ZNF254: variants seen among roughly 807,000 people sequenced by gnomAD.
The protein encoded by ZNF254 is CTD-2017D11.1.
In ZNF254, 10 loss-of-function variants were observed where a neutral mutation model predicts 12.4. The observed-to-expected ratio is 0.80, with a 90% CI of 0.50 to 1.36. The LOEUF (loss-of-function observed/expected upper bound fraction) is 1.36, where lower values mean the gene tolerates loss of function less well. ZNF254 is among the 40% of genes most tolerant of loss of function. The pLI, the probability that ZNF254 is intolerant of heterozygous loss-of-function variation, is 0.00. For missense variants in ZNF254, 996 were observed against 763.9 expected (o/e 1.30, Z -3.58); for synonymous variants, 305 against 253.4 (o/e 1.20, Z -1.93).
Position 24,126,882 on chromosome 19 carries a change from C to A in ZNF254, c.882C>A (p.Tyr294Ter). ...HKIIHTGEKP[Y>*]KCEECGKAFI... ...TAATTCATACTGGAGAGAAACCTTA[C>A]AAGTGTGAAGAATGTGGCAAAGCAT... The change falls in exon 4 of 4, where the codon TAC becomes TAA. Residue 294 changes from tyrosine to a stop codon, truncating the protein, a stop_gained. Coordinates refer to ENST00000357002, the MANE Select transcript of ZNF254 (RefSeq NM_203282.4). LOFTEE classifies it low-confidence loss of function (END_TRUNC). The A allele has an allele frequency of 6.2e-7, 1 of 1,613,592 alleles. No homozygotes were observed. The highest frequency in any genetic ancestry group is 8.5e-7 in the Non-Finnish European group (1 of 1,179,758).
At chr19:24,112,343 G>GT (rs1478699347) in intron 3 of ZNF254, among the ~76,000 whole-genome samples, 3 of 141,412 alleles carry the variant, frequency 2.1e-5, no homozygotes, top group Non-Finnish European at 4.7e-5. Flanking sequence ...TGCTGTTTTG[G>GT]TTACTGTAGC....
chr19:24,047,422 T>G (rs752355755), intron 2 of ZNF254, among the ~76,000 whole-genome samples: 2 of 151,786 alleles, frequency 1.3e-5, no homozygotes, highest in African/African-American at 4.8e-5. Flanking sequence ...CATGCCATCA[T>G]GCCTGGCTAA....
rs1974864707 is a variant in ZNF254 at position 24,126,603 on chromosome 19, A to G, written c.603A>G (p.Lys201=). 1 of 1,604,434 alleles carries G rather than the reference A, an allele frequency of 6.2e-7. No individual in the cohort carries two copies. Among genetic ancestry groups the G allele is most frequent in the Admixed American group, 1.7e-5 (1 of 57,456 alleles). Residue 201 remains lysine, a synonymous_variant, in exon 4 of 4, where the codon AAA becomes AAG. Coordinates refer to ENST00000357002, the MANE Select transcript of ZNF254 (RefSeq NM_203282.4). ...TGCTTTCACATAAAACCCAACACAAAAGCATTTATCATAGAGAGAAGTCCT... is the reference window on the plus strand; with the variant it reads ...TGCTTTCACATAAAACCCAACACAAGAGCATTTATCATAGAGAGAAGTCCT... The part of the protein sequence containing the change: ...FCMLSHKTQH[K]SIYHREKSYK...
chr19:24,089,482 T>G (rs1282390490), intron 1 of ZNF254, among the ~76,000 whole-genome samples: 6 of 152,180 alleles, frequency 3.9e-5, no homozygotes, highest in Admixed American at 3.9e-4. Flanking sequence ...TTGGAAACTA[T>G]AGTGTGATGT....
At chr19:24,126,231 A>C (rs750631552) in intron 3 of ZNF254, 23 bp from the exon 4 acceptor site, 3 of 1,385,612 alleles carry the variant, frequency 2.2e-6, no homozygotes, top group Non-Finnish European at 2.8e-6. Context: ...GGAGTAATTT[A>C]TTTATTTTTA....
intron 2 of ZNF254, among the ~76,000 whole-genome samples, chr19:24,058,171 A>G (rs1970932270): frequency 6.6e-6 from 1 of 152,096 alleles, no homozygotes; most frequent in African/African-American, 2.4e-5. Context: ...CAGGATTGTT[A>G]ATCTCATTTG....
intron 1 of ZNF254, among the ~76,000 whole-genome samples, chr19:24,043,473 G>C (rs1970255878): frequency 1.3e-5 from 2 of 152,026 alleles, no homozygotes; most frequent in South Asian, 4.2e-4. Context: ...TATTGGTCAG[G>C]CTGGTCTCAA....
At chr19:24,114,151 T>G (rs1973885507) in intron 3 of ZNF254, among the ~76,000 whole-genome samples, 1 of 152,082 alleles carries the variant, frequency 6.6e-6, no homozygotes, top group Admixed American at 6.6e-5. Context: ...TACCAATGAT[T>G]TTCTTCAGAG....
Position 24,087,200 on chromosome 19 carries a change from G to A in ZNF254, c.-108G>A, listed in dbSNP as rs1014422289. 4 of 1,471,050 alleles carry A rather than the reference G, an allele frequency of 2.7e-6. No individual in the cohort carries two copies. Among genetic ancestry groups the A allele is most frequent in the Non-Finnish European group, 3.8e-6 (4 of 1,062,854 alleles). The allele number at this position is 1,471,050 out of a possible 1,614,324, so 91.1% of individuals were successfully genotyped here. A position where few individuals can be genotyped will look rare whatever the true frequency, so the allele number is the denominator to read the frequency against. On this transcript the variant is annotated 5_prime_UTR_variant, in exon 1 of 4. Transcript: ENST00000357002. Reference sequence around the variant, plus strand: ...GGATATGGCGGGGCCTTTGTCTCTCGCTGTCGCCGGAGTCCCAGGTCTGTC... The same window carrying A: ...GGATATGGCGGGGCCTTTGTCTCTCACTGTCGCCGGAGTCCCAGGTCTGTC...
chr19:24,090,754 T>A (rs1972323139), intron 1 of ZNF254, among the ~76,000 whole-genome samples: 1 of 152,156 alleles, frequency 6.6e-6, no homozygotes, highest in South Asian at 2.1e-4. Context: ...GTTTTTTAAC[T>A]GTGTATTGCA....
chr19:24,118,062 T>C (rs1041716333), intron 3 of ZNF254, among the ~76,000 whole-genome samples: 3 of 151,690 alleles, frequency 2.0e-5, no homozygotes, highest in East Asian at 1.9e-4. Context: ...CTTTTCTTTT[T>C]TTTTTTTTGA....
chr19:24,110,989 A>G (rs2145850402), intron 3 of ZNF254, among the ~76,000 whole-genome samples: 1 of 152,120 alleles, frequency 6.6e-6, no homozygotes, highest in East Asian at 1.9e-4. Flanking sequence ...TTTAGGGTAC[A>G]TGTGCACAAT....
chr19:24,118,789 G>A (rs970115599), intron 3 of ZNF254, among the ~76,000 whole-genome samples: 3 of 152,058 alleles, frequency 2.0e-5, no homozygotes, highest in Middle Eastern at 6.8e-3. Context: ...TTATTGTCAT[G>A]TGTTTCCCCT....
At chr19:24,070,423 G>A (rs559382903) in intron 2 of ZNF254, among the ~76,000 whole-genome samples, 142 of 152,302 alleles carry the variant, frequency 9.3e-4, no homozygotes, top group African/African-American at 3.3e-3. Flanking sequence ...GAGGCAGTGG[G>A]AAGTTGCAAA....
chr19:24,087,293 A>C lies in ZNF254; in HGVS notation c.-15A>C. On this transcript the variant is annotated 5_prime_UTR_variant, in exon 1 of 4. Transcript: ENST00000357002. ...TGGCGCTGTTACCAGCAGGTATTGGAGATCCACAGCTAAGATGCCAGGACC... is the reference window on the plus strand; with the variant it reads ...TGGCGCTGTTACCAGCAGGTATTGGCGATCCACAGCTAAGATGCCAGGACC... 3.7e-6 allele frequency: 6 copies of C among 1,613,228 alleles called. No individual in the cohort carries two copies. The highest frequency in any genetic ancestry group is 1.3e-5 in the African/African-American group (1 of 74,998).
At chr19:24,095,603 T>G (rs1294696137) in intron 1 of ZNF254, among the ~76,000 whole-genome samples, 1 of 152,172 alleles carries the variant, frequency 6.6e-6, no homozygotes, top group Non-Finnish European at 1.5e-5. Flanking sequence ...TTCTTTTTTG[T>G]TAATTCTTGG....
Position 24,126,881 on chromosome 19 carries a change from A to T in ZNF254, c.881A>T (p.Tyr294Phe), listed in dbSNP as rs1442417716. ...HKIIHTGEKP[Y>F]KCEECGKAFI... ...ATAATTCATACTGGAGAGAAACCTT[A>T]CAAGTGTGAAGAATGTGGCAAAGCA... Residue 294 changes from tyrosine to phenylalanine, a missense_variant, in exon 4 of 4, where the codon TAC becomes TTC. Transcript: ENST00000357002. 1 of 1,613,660 alleles carries T rather than the reference A, an allele frequency of 6.2e-7. No individual in the cohort carries two copies. The highest frequency in any genetic ancestry group is 1.7e-5 in the Admixed American group (1 of 59,932).
intron 2 of ZNF254, chr19:24,078,786 T>G (rs945255647): frequency 6.6e-6 from 1 of 152,146 alleles, no homozygotes. Context: ...GTTGCACAGG[T>G]GTCTCTGAAT....
intron 2 of ZNF254, chr19:24,079,258 A>G (rs891289878): frequency 2.6e-5 from 4 of 152,106 alleles, no homozygotes; most frequent in African/African-American, 9.7e-5. Context: ...TTCAGCGGGC[A>G]TTTTTGGGTG....
Sources: gnomAD v4.1 joint callset for allele counts (sites outside exome capture counted in the v4.1 genomes callset) on GRCh38, gnomAD v4.1.1 for gene constraint, MANE v1.5 for transcripts, NCBI Gene and HGNC (gene_info 2026-07-23, HGNC 2026-07-21) for gene names.